Variants in TENM2 observed in about 807,000 individuals in gnomAD.
TENM2 encodes teneurin-2.
A neutral mutation model predicts 245.2 loss-of-function variants in TENM2; 52 were observed. The ratio of observed to expected loss-of-function variants is 0.21; its 90% confidence interval spans 0.17 to 0.27. The LOEUF is 0.27. Ranked by LOEUF, TENM2 falls within the 10% of genes least tolerant of loss-of-function variation. The pLI is 1.00. For missense variants in TENM2, 3,046 were observed against 3,666.8 expected, an observed-to-expected ratio of 0.83 and a Z score of 4.37; for synonymous variants, 1,363 against 1,438.9, an observed-to-expected ratio of 0.95 and a Z score of 1.19.
At chr5:167,029,697 G>C in the TENM2 span, among the ~76,000 whole-genome samples, 3 of 152,150 alleles carry the variant, frequency 2.0e-5, no homozygotes, top group African/African-American at 7.2e-5. Flanking sequence ...AATTGCTGAC[G>C]TTTGTCCAGT....
intron 2 of TENM2, among the ~76,000 whole-genome samples, chr5:167,659,735 A>G (rs1755080229): frequency 6.6e-6 from 1 of 152,296 alleles, no homozygotes; most frequent in Admixed American, 6.5e-5. Flanking sequence ...CACAGGGAAA[A>G]AAAAATCTTT....
chr5:167,277,844 A>G, the TENM2 span, among the ~76,000 whole-genome samples: 1 of 152,194 alleles, frequency 6.6e-6, no homozygotes, highest in African/African-American at 2.4e-5. Context: ...TGGAAGATTT[A>G]CCCTTTTATA....
At chr5:167,302,100 G>A (rs1338566002) in intron 1 of TENM2, among the ~76,000 whole-genome samples, 1 of 152,106 alleles carries the variant, frequency 6.6e-6, no homozygotes, top group Non-Finnish European at 1.5e-5. Flanking sequence ...CAGAGACTAT[G>A]GAGGGACTGA....
chr5:167,179,108 G>A, the TENM2 span, among the ~76,000 whole-genome samples: 4 of 152,044 alleles, frequency 2.6e-5, no homozygotes, highest in African/African-American at 9.7e-5. Context: ...TCTTAATAAG[G>A]CATTCCACTC....
chr5:167,758,997 A>G (rs1762489152), intron 2 of TENM2, among the ~76,000 whole-genome samples: 1 of 151,696 alleles, frequency 6.6e-6, no homozygotes, highest in Admixed American at 6.6e-5. Flanking sequence ...ATAAATAATA[A>G]TTGTTTCATA....
chr5:167,547,509 T>G (rs1420355944), intron 2 of TENM2, among the ~76,000 whole-genome samples: 1 of 152,270 alleles, frequency 6.6e-6, no homozygotes, highest in Non-Finnish European at 1.5e-5. Context: ...TTGAAATGTT[T>G]ATCTTAAATT....
chr5:167,808,084 A>G (rs981546424), intron 2 of TENM2, among the ~76,000 whole-genome samples: 1 of 152,200 alleles, frequency 6.6e-6, no homozygotes, highest in African/African-American at 2.4e-5. Context: ...AGCAGGATGT[A>G]GTATAGAATC....
chr5:167,076,394 A>G, the TENM2 span, among the ~76,000 whole-genome samples: 1 of 152,348 alleles, frequency 6.6e-6, no homozygotes, highest in Admixed American at 6.5e-5. Flanking sequence ...AATATTTTTA[A>G]AGATTGCCTT....
chr5:168,040,601 T>A (rs527545515), intron 5 of TENM2, among the ~76,000 whole-genome samples: 5 of 152,326 alleles, frequency 3.3e-5, no homozygotes, highest in South Asian at 2.1e-4. Flanking sequence ...TAGAAAAGGA[T>A]TTTTGGTAAC....
At chr5:167,067,303 AT>A in the TENM2 span, among the ~76,000 whole-genome samples, 5 of 152,068 alleles carry the variant, frequency 3.3e-5, no homozygotes, top group South Asian at 4.1e-4. Flanking sequence ...CTTTTGCAGA[AT>A]TTTTTTTCCT....
chr5:167,212,593 C>T, the TENM2 span, among the ~76,000 whole-genome samples: 2 of 152,074 alleles, frequency 1.3e-5, no homozygotes, highest in African/African-American at 2.4e-5. Context: ...CATGGATGTG[C>T]CATGGCTTAT....
intron 2 of TENM2, among the ~76,000 whole-genome samples, chr5:167,473,024 TAAAA>T (rs1209037371): frequency 6.6e-6 from 1 of 151,300 alleles, no homozygotes; most frequent in Non-Finnish European, 1.5e-5. Context: ...TACACTCAGT[TAAAA>T]AAAAAGAAAC....
upstream of TENM2, among the ~76,000 whole-genome samples, chr5:167,283,909 C>T (rs116265894): frequency 7.9e-3 from 1,207 of 152,230 alleles, 17 homozygotes; most frequent in African/African-American, 0.027. Context: ...GACTGTGGGG[C>T]TCCCTGGTTG....
chr5:167,180,475 T>TA, the TENM2 span, among the ~76,000 whole-genome samples: 5 of 152,128 alleles, frequency 3.3e-5, no homozygotes, highest in Non-Finnish European at 7.4e-5. Context: ...CCTGACCAGT[T>TA]ATCTGTAGAC....
chr5:168,022,380 G>A (rs1432315918), intron 5 of TENM2, among the ~76,000 whole-genome samples: 1 of 152,192 alleles, frequency 6.6e-6, no homozygotes, highest in Non-Finnish European at 1.5e-5. Flanking sequence ...TTGTCCCAAG[G>A]CTTCTTAAAA....
intron 2 of TENM2, among the ~76,000 whole-genome samples, chr5:167,379,530 A>G (rs977614227): frequency 1.3e-5 from 2 of 152,148 alleles, no homozygotes; most frequent in Non-Finnish European, 2.9e-5. Context: ...AGCGTTTCTT[A>G]AGTAAACACA....
the TENM2 span, among the ~76,000 whole-genome samples, chr5:167,271,057 T>C: frequency 6.6e-6 from 1 of 152,066 alleles, no homozygotes; most frequent in Non-Finnish European, 1.5e-5. Context: ...ACTGTGATTG[T>C]CTAGTGTGGC....
chr5:168,054,508 T>C (rs1472134063), intron 6 of TENM2, among the ~76,000 whole-genome samples: 2 of 152,262 alleles, frequency 1.3e-5, no homozygotes, highest in Non-Finnish European at 2.9e-5. Context: ...CAGAATAATC[T>C]GCAAGGCAGA....
At chr5:167,095,866 G>A in the TENM2 span, among the ~76,000 whole-genome samples, 1 of 151,236 alleles carries the variant, frequency 6.6e-6, no homozygotes, top group Non-Finnish European at 1.5e-5. Flanking sequence ...CGCCTCCTGG[G>A]TTCAAGTGAT....
Sources: allele counts gnomAD v4.1 joint callset (sites outside exome capture counted in the v4.1 genomes callset), GRCh38; gene constraint gnomAD v4.1.1; transcripts MANE v1.5; gene names NCBI Gene and HGNC (gene_info 2026-07-23, HGNC 2026-07-21).